Variants in FMN1 observed in about 807,000 individuals in gnomAD.
FMN1 encodes the protein formin 1, also known as formin-1.
A neutral mutation model predicts 132.4 loss-of-function variants in FMN1; 110 were observed. That is an observed-to-expected ratio of 0.83 (90% CI 0.71 to 0.97). The LOEUF is 0.97. Among genes scored for constraint, FMN1 ranks in the 50% least tolerant of loss-of-function variants. The pLI is 0.00. For missense variants in FMN1, 1,792 were observed against 1,705.3 expected, an observed-to-expected ratio of 1.05 and a Z score of -0.90; for synonymous variants, 722 against 651.7, an observed-to-expected ratio of 1.11 and a Z score of -1.64.
At chr15:33,156,810 A>T (rs1462087371) in intron 3 of FMN1, among the ~76,000 whole-genome samples, 1 of 152,200 alleles carries the variant, frequency 6.6e-6, no homozygotes, top group Non-Finnish European at 1.5e-5. Context: ...CAATTAATGA[A>T]TTCTCAGACA....
chr15:33,127,233 G>A (rs964553945), intron 4 of FMN1, among the ~76,000 whole-genome samples: 5 of 152,092 alleles, frequency 3.3e-5, no homozygotes, highest in South Asian at 2.1e-4. Flanking sequence ...TCAACTGGTC[G>A]GATCATCACT....
At chr15:33,070,814 C>T (rs1417663657) in intron 5 of FMN1, among the ~76,000 whole-genome samples, 3 of 152,192 alleles carry the variant, frequency 2.0e-5, no homozygotes, top group Non-Finnish European at 4.4e-5. Context: ...AGGTGCTCCA[C>T]ACATATTAAC....
chr15:32,795,689 G>A (rs1009153306), intron 19 of FMN1, among the ~76,000 whole-genome samples: 1 of 152,048 alleles, frequency 6.6e-6, no homozygotes, highest in Non-Finnish European at 1.5e-5. Context: ...ATTCAGAAGG[G>A]ATAAGAGAAG....
chr15:33,168,922 G>A (rs1443907942), intron 3 of FMN1, among the ~76,000 whole-genome samples: 1 of 152,196 alleles, frequency 6.6e-6, no homozygotes, highest in Non-Finnish European at 1.5e-5. Context: ...AAGTGGTGCC[G>A]CCTTGGGATG....
chr15:32,993,598 C>T (rs976986812), intron 7 of FMN1, among the ~76,000 whole-genome samples: 1 of 152,148 alleles, frequency 6.6e-6, no homozygotes, highest in Non-Finnish European at 1.5e-5. Flanking sequence ...GTGTTGTCAG[C>T]ACCTTCTTCC....
At chr15:32,995,799 C>A (rs2033733139) in intron 7 of FMN1, among the ~76,000 whole-genome samples, 2 of 152,198 alleles carry the variant, frequency 1.3e-5, no homozygotes, top group Non-Finnish European at 2.9e-5. Flanking sequence ...TTCCCCAGAT[C>A]TGTGTTTTAA....
At chr15:33,114,558 G>A (rs573580977) in intron 4 of FMN1, among the ~76,000 whole-genome samples, 85 of 152,280 alleles carry the variant, frequency 5.6e-4, no homozygotes, top group Middle Eastern at 3.4e-3. Context: ...GCTTGTTTGT[G>A]TACCCAAGAA....
Position 33,151,458 on chromosome 15 carries a change from A to G in FMN1, c.1867+1590T>C, listed in dbSNP as rs1173295802. 4.2e-6 allele frequency: 6 copies of G among 1,443,886 alleles called. No individual in the cohort carries two copies. The East Asian group carries it at 1.2e-4, about 30-fold the overall frequency. The allele number at this position is 1,443,886 out of a possible 1,614,324, so 89.4% of individuals were successfully genotyped here. A position where few individuals can be genotyped will look rare whatever the true frequency, so the allele number is the denominator to read the frequency against. On this transcript the variant is annotated intron_variant, in intron 4 of 20. Coordinates refer to ENST00000616417, the MANE Select transcript of FMN1 (RefSeq NM_001277313.2). ...CATGTGATCATCCATTCACCTTGTCACTCAGTGGGCTCACGGTCAGTCTCC... is the reference window on the plus strand; with the variant it reads ...CATGTGATCATCCATTCACCTTGTCGCTCAGTGGGCTCACGGTCAGTCTCC...
chr15:32,874,842 G>GT (rs1555481988), intron 16 of FMN1, among the ~76,000 whole-genome samples: 1 of 151,756 alleles, frequency 6.6e-6, no homozygotes. Flanking sequence ...GTATTCTGTA[G>GT]TTTTTTCTTT....
chr15:32,919,593 T>G (rs2140314638), intron 10 of FMN1, among the ~76,000 whole-genome samples: 1 of 152,320 alleles, frequency 6.6e-6, no homozygotes, highest in African/African-American at 2.4e-5. Flanking sequence ...TTTTATAACA[T>G]GCATATTAGT....
At chr15:33,121,000 T>C (rs1962500008) in intron 4 of FMN1, among the ~76,000 whole-genome samples, 1 of 152,190 alleles carries the variant, frequency 6.6e-6, no homozygotes, top group South Asian at 2.1e-4. Context: ...ATAGAGGTTT[T>C]AGTCTTAATT....
chr15:33,083,268 A>G (rs2038557716), intron 5 of FMN1, among the ~76,000 whole-genome samples: 1 of 152,222 alleles, frequency 6.6e-6, no homozygotes, highest in Admixed American at 6.5e-5. Context: ...AGAAGTTGTA[A>G]TATTTGTTTT....
chr15:33,127,117 G>A (rs1006336645), intron 4 of FMN1, among the ~76,000 whole-genome samples: 1 of 152,174 alleles, frequency 6.6e-6, no homozygotes, highest in Non-Finnish European at 1.5e-5. Flanking sequence ...GAACGAGATA[G>A]CATCCTGTTA....
Position 33,192,609 on chromosome 15 carries a change from C to G in FMN1, c.-197+1300G>C, listed in dbSNP as rs1238946976. ...GAAGGCTGGTGAGAGAAATGCCTGT[C>G]CAAACACAGGTGGCTTCAATAGTGG... On this transcript the variant is annotated intron_variant, in intron 2 of 20. Transcript: ENST00000616417. Among the ~76,000 whole-genome samples the G allele has an allele frequency of 3.3e-5, 5 of 152,152 alleles. No homozygotes were observed. In the East Asian group the frequency reaches 7.7e-4, roughly 24 times the overall value.
chr15:32,968,871 G>C lies in FMN1; in HGVS notation c.2830C>G (p.Pro944Ala). 1.5e-6 allele frequency: 2 copies of C among 1,299,530 alleles called. No individual in the cohort carries two copies. The highest frequency in any genetic ancestry group is 1.1e-6 in the Non-Finnish European group (1 of 912,932). 80.5% of individuals were successfully genotyped at this position (1,299,530 alleles called of 1,614,324 possible). ...PAPPNPGGPP[P>A]APPPPGLAPP... ...GCAAGTCCTGGGGGTGGTGGAGCAG[G>C]AGGAGGCCCTCCAGGGTTGGGTGGG... Residue 944 changes from proline (P) to alanine (A), a missense_variant, in exon 8 of 21, where the codon CCT becomes GCT. Coordinates refer to ENST00000616417, the MANE Select transcript of FMN1 (RefSeq NM_001277313.2).
intron 9 of FMN1, among the ~76,000 whole-genome samples, chr15:32,935,196 C>A (rs1329687206): frequency 6.6e-6 from 1 of 152,222 alleles, no homozygotes; most frequent in African/African-American, 2.4e-5. Context: ...GCTGGGATTA[C>A]AGGCGTGAGC....
At chr15:32,812,087 G>A (rs939431259) in intron 17 of FMN1, among the ~76,000 whole-genome samples, 1 of 152,088 alleles carries the variant, frequency 6.6e-6, no homozygotes, top group South Asian at 2.1e-4. Context: ...GGCACCTGGG[G>A]CTGTTCTCAA....
intron 7 of FMN1, among the ~76,000 whole-genome samples, chr15:32,976,707 A>G (rs1298210751): frequency 6.6e-6 from 1 of 152,242 alleles, no homozygotes; most frequent in East Asian, 1.9e-4. Flanking sequence ...GGATAAAGAA[A>G]TAGAGAAACA....
At chr15:33,048,650 C>CAAAAA (rs2036824599) in intron 6 of FMN1, among the ~76,000 whole-genome samples, 1,338 of 25,074 alleles carry the variant, frequency 0.053, 230 homozygotes, top group African/African-American at 0.13. Flanking sequence ...AAAAAAAAAA[C>CAAAAA]CAACAGTTTA....
Sources: allele counts gnomAD v4.1 joint callset (sites outside exome capture counted in the v4.1 genomes callset), GRCh38; gene constraint gnomAD v4.1.1; transcripts MANE v1.5; gene names NCBI Gene and HGNC (gene_info 2026-07-23, HGNC 2026-07-21).